The following KCTD8 variants were observed in gnomAD, a reference collection of about 807,000 sequenced individuals.
KCTD8 encodes potassium channel tetramerization domain containing 8.
A neutral mutation model predicts 31.5 loss-of-function variants in KCTD8; 27 were observed. The ratio of observed to expected loss-of-function variants is 0.86; its 90% CI spans 0.63 to 1.18. The LOEUF (loss-of-function observed/expected upper bound fraction) is 1.18. KCTD8 is among the 50% of genes most tolerant of loss of function. The pLI, the probability that KCTD8 is intolerant of heterozygous loss-of-function variation, is 0.00. For synonymous variants in KCTD8, 290 were observed against 280.0 expected, an observed-to-expected ratio of 1.04 and a Z score of -0.36; for missense variants, 658 against 647.7, an observed-to-expected ratio of 1.02 and a Z score of -0.17.
intron 1 of KCTD8, among the ~76,000 whole-genome samples, chr4:44,337,692 T>C (rs1718788123): frequency 7.1e-6 from 1 of 141,328 alleles, no homozygotes; most frequent in Non-Finnish European, 1.6e-5. Flanking sequence ...TATATATATA[T>C]ATATATGTGT....
At chr4:44,438,143 C>A (rs1452215609) in intron 1 of KCTD8, among the ~76,000 whole-genome samples, 1 of 152,140 alleles carries the variant, frequency 6.6e-6, no homozygotes, top group African/African-American at 2.4e-5. Flanking sequence ...GAATGTCTGC[C>A]AGCATCTGCC....
At chr4:44,257,166 T>C (rs1471976411) in intron 1 of KCTD8, among the ~76,000 whole-genome samples, 1 of 151,968 alleles carries the variant, frequency 6.6e-6, no homozygotes, top group Non-Finnish European at 1.5e-5. Context: ...GGGTTATGGT[T>C]ATATGAAAAT....
chr4:44,283,648 C>G (rs755141904), intron 1 of KCTD8, among the ~76,000 whole-genome samples: 1 of 152,072 alleles, frequency 6.6e-6, no homozygotes, highest in Non-Finnish European at 1.5e-5. Flanking sequence ...TTTAAGCCCA[C>G]TATTGAGACC....
chr4:44,251,936 A>C (rs1349068210), intron 1 of KCTD8, among the ~76,000 whole-genome samples: 1 of 151,438 alleles, frequency 6.6e-6, no homozygotes, highest in Admixed American at 6.6e-5. Flanking sequence ...TTTAGTGGTG[A>C]CTTCTGAGAT....
intron 1 of KCTD8, among the ~76,000 whole-genome samples, chr4:44,246,917 C>A (rs1715684063): frequency 6.6e-6 from 1 of 152,010 alleles, no homozygotes; most frequent in Non-Finnish European, 1.5e-5. Context: ...ATAACTGGAT[C>A]TTCTTGCTCT....
rs749239701 is a variant in KCTD8 at position 44,448,574 on chromosome 4, C to T, written c.-51G>A. The stretch of plus-strand genomic sequence containing the variant: ...CCCGAGAGAGCTGCACTTTCTCGTT[C>T]CCGGAGCCCGCGCCCCAGCCCTCCG... On this transcript the variant is annotated 5_prime_UTR_variant, in exon 1 of 2. Coordinates refer to ENST00000360029, the MANE Select transcript of KCTD8 (RefSeq NM_198353.3). The surrounding 1 kb of genome is among the most constrained non-coding windows in gnomAD (Gnocchi z 4.1). The T allele has an allele frequency of 2.2e-6, 3 of 1,388,420 alleles. No homozygotes were observed. Among genetic ancestry groups the T allele is most frequent in the Non-Finnish European group, 2.8e-6 (3 of 1,075,582 alleles). 86.0% of individuals were successfully genotyped at this position (1,388,420 alleles called of 1,614,324 possible). A position where few individuals can be genotyped will look rare whatever the true frequency, so the allele number is the denominator to read the frequency against.
At chr4:44,255,371 T>C (rs1026340689) in intron 1 of KCTD8, among the ~76,000 whole-genome samples, 2 of 151,916 alleles carry the variant, frequency 1.3e-5, no homozygotes, top group African/African-American at 4.8e-5. Flanking sequence ...AATTTTTTCA[T>C]TCTCTTGTTT....
chr4:44,433,877 C>G (rs578025557), intron 1 of KCTD8, among the ~76,000 whole-genome samples: 256 of 151,890 alleles, frequency 1.7e-3, no homozygotes, highest in African/African-American at 5.7e-3. Context: ...GTTCATCTGA[C>G]TCATCCCTAG....
At chr4:44,412,777 G>A (rs10028853) in intron 1 of KCTD8, among the ~76,000 whole-genome samples, 21 of 152,184 alleles carry the variant, frequency 1.4e-4, no homozygotes, top group East Asian at 1.9e-4. Context: ...ACAATGATAC[G>A]TAAAAATTGA....
At chr4:44,353,315 T>C (rs997719368) in intron 1 of KCTD8, among the ~76,000 whole-genome samples, 1 of 152,068 alleles carries the variant, frequency 6.6e-6, no homozygotes, top group Non-Finnish European at 1.5e-5. Context: ...TTATTATTTA[T>C]ATATTTTTGC....
At chr4:44,246,718 A>G (rs1333209878) in intron 1 of KCTD8, among the ~76,000 whole-genome samples, 1 of 151,790 alleles carries the variant, frequency 6.6e-6, no homozygotes, top group Admixed American at 6.6e-5. Context: ...TCATTCCCCC[A>G]TTTCTACCTT....
intron 1 of KCTD8, among the ~76,000 whole-genome samples, chr4:44,241,682 T>A (rs1374136609): frequency 6.6e-6 from 1 of 152,202 alleles, no homozygotes; most frequent in Non-Finnish European, 1.5e-5. Context: ...TATTAAATTC[T>A]CAGTTCAATG....
Position 44,448,637 on chromosome 4 carries a change from G to T in KCTD8, c.-114C>A. The T allele has an allele frequency of 8.7e-7, 1 of 1,154,792 alleles. No homozygotes were observed. The highest frequency in any genetic ancestry group is 1.1e-6 in the Non-Finnish European group (1 of 908,010). 71.5% of individuals were successfully genotyped at this position (1,154,792 alleles called of 1,614,324 possible). On this transcript the variant is annotated 5_prime_UTR_variant, in exon 1 of 2. Coordinates refer to ENST00000360029, the MANE Select transcript of KCTD8 (RefSeq NM_198353.3). The surrounding 1 kb of genome is among the most constrained non-coding windows in gnomAD (Gnocchi z 4.1). ...GCTCTGCGCCCTCGGACTGGGCGGC[G>T]CGTTCCTCCGACCGGGGCGGCCCCG... is the stretch of plus-strand genomic sequence containing the variant.
At chr4:44,403,801 C>T (rs977594057) in intron 1 of KCTD8, among the ~76,000 whole-genome samples, 9 of 152,080 alleles carry the variant, frequency 5.9e-5, no homozygotes, top group African/African-American at 2.2e-4. Context: ...CAGCCCATAA[C>T]AGGTACTAAG....
chr4:44,429,827 G>T (rs1182377364), intron 1 of KCTD8, among the ~76,000 whole-genome samples: 3 of 151,672 alleles, frequency 2.0e-5, no homozygotes, highest in Non-Finnish European at 4.4e-5. Context: ...TCCTAGGATA[G>T]AAGGGATAGT....
Position 44,447,854 on chromosome 4 carries a change from G to T in KCTD8, c.670C>A (p.Gln224Lys). Residue 224 changes from glutamine to lysine, a missense_variant, in exon 1 of 2, where the codon CAG becomes AAG. Coordinates refer to ENST00000360029, the MANE Select transcript of KCTD8 (RefSeq NM_198353.3). The stretch of plus-strand genomic sequence containing the variant: ...ACACGCCGGAATTTGGCGTCGGCCT[G>T]GTTGTCGCGCACGGTGGTGTAGGAG... ...RGSYTTVRDNQADAKFRRVAR... is the reference protein window; with the variant it reads ...RGSYTTVRDNKADAKFRRVAR... The T allele has an allele frequency of 1.3e-6, 2 of 1,580,466 alleles. No individual in the cohort carries two copies. Among genetic ancestry groups the T allele is most frequent in the East Asian group, 2.3e-5 (1 of 42,936 alleles).
chr4:44,214,517 T>C (rs1284854902), intron 1 of KCTD8, among the ~76,000 whole-genome samples: 1 of 152,182 alleles, frequency 6.6e-6, no homozygotes, highest in Non-Finnish European at 1.5e-5. Flanking sequence ...TTTACCAGTA[T>C]AAGATTAAAT....
Position 44,424,611 on chromosome 4 carries a change from G to A in KCTD8, c.961+22952C>T, listed in dbSNP as rs114873422. On this transcript the variant is annotated intron_variant, in intron 1 of 1. Coordinates refer to ENST00000360029, the MANE Select transcript of KCTD8 (RefSeq NM_198353.3). Reference sequence around the variant, plus strand: ...AGTCAGGTGTGTCCACAAAAAGTAAGTTTGGCAATTGTTTCAGACTTTAGC... The same window carrying A: ...AGTCAGGTGTGTCCACAAAAAGTAAATTTGGCAATTGTTTCAGACTTTAGC... Among the ~76,000 whole-genome samples the A allele has an allele frequency of 4.7e-3, 716 of 152,116 alleles. 4 individuals carry two copies. Among genetic ancestry groups the A allele is most frequent in the African/African-American group, 0.017 (687 of 41,508 alleles).
chr4:44,441,129 A>T (rs1721800551), intron 1 of KCTD8, among the ~76,000 whole-genome samples: 1 of 152,168 alleles, frequency 6.6e-6, no homozygotes, highest in African/African-American at 2.4e-5. Context: ...CAAATTATAA[A>T]GTAGCTAATT....
Sources: gnomAD v4.1 joint callset for allele counts (sites outside exome capture counted in the v4.1 genomes callset) on GRCh38, gnomAD v4.1.1 for gene constraint, Gnocchi (gnomAD v3.1) non-coding constraint, MANE v1.5 for transcripts, NCBI Gene and HGNC (gene_info 2026-07-23, HGNC 2026-07-21) for gene names.